THSD7B: variants seen among roughly 807,000 people sequenced by gnomAD.
THSD7B encodes thrombospondin type 1 domain containing 7B.
THSD7B carries 138 observed loss-of-function variants against 213.6 expected under a neutral mutation model. The ratio of observed to expected loss-of-function variants is 0.65; its 90% CI spans 0.56 to 0.74. The LOEUF is 0.74. Ranked by LOEUF, THSD7B falls within the 30% of genes least tolerant of loss-of-function variation. The pLI is 0.00. For missense variants in THSD7B, 1,931 were observed against 1,991.5 expected (o/e 0.97, Z 0.58); for synonymous variants, 742 against 687.0 (o/e 1.08, Z -1.25).
intron 7 of THSD7B, among the ~76,000 whole-genome samples, chr2:137,207,418 C>T (rs1157398732): frequency 6.6e-6 from 1 of 152,028 alleles, no homozygotes; most frequent in East Asian, 1.9e-4. Context: ...AAAGAATTAG[C>T]AGTTAATCAA....
chr2:137,490,360 C>A (rs147921528), intron 15 of THSD7B, among the ~76,000 whole-genome samples: 1 of 152,126 alleles, frequency 6.6e-6, no homozygotes. Flanking sequence ...CTAAAAAAAT[C>A]GATTCCTAAT....
chr2:137,198,539 A>G (rs968116887), intron 7 of THSD7B, among the ~76,000 whole-genome samples: 2 of 152,170 alleles, frequency 1.3e-5, no homozygotes, highest in Admixed American at 1.3e-4. Flanking sequence ...CTTCTGAGGA[A>G]AAGAGACTAA....
intron 3 of THSD7B, among the ~76,000 whole-genome samples, chr2:137,093,902 ATTATC>A (rs1488882228): frequency 3.3e-5 from 5 of 152,194 alleles, no homozygotes; most frequent in African/African-American, 7.2e-5. Flanking sequence ...CTAATGCCAC[ATTATC>A]TTATCTTTTT....
chr2:136,844,404 T>C (rs1682967179), intron 1 of THSD7B, among the ~76,000 whole-genome samples: 1 of 151,618 alleles, frequency 6.6e-6, no homozygotes. Flanking sequence ...CATCTGTATC[T>C]ACCTAGGGCA....
intron 3 of THSD7B, among the ~76,000 whole-genome samples, chr2:137,077,417 G>T (rs192067435): frequency 8.5e-5 from 13 of 152,270 alleles, no homozygotes; most frequent in Non-Finnish European, 1.8e-4. Context: ...TTCCACAATG[G>T]TTGAACTAGT....
rs1323602295 is a variant in THSD7B, at chr2:137,115,325, C to A, written c.1369+32C>A. 4.1e-6 allele frequency: 6 copies of A among 1,477,434 alleles called. No individual in the cohort carries two copies. The African/African-American group carries it at 8.6e-5, about 21-fold the overall frequency. The allele number at this position is 1,477,434 out of a possible 1,614,324, so 91.5% of individuals were successfully genotyped here. On this transcript the variant is annotated intron_variant, in intron 5 of 27. Transcript: ENST00000409968. The stretch of plus-strand genomic sequence containing the variant: ...AGCCAGTTCCGGGACAGATGGTGCA[C>A]TGCTGGTTGGAAGGAAAATCTCTCC...
chr2:137,309,535 T>TTA (rs1299150681), intron 12 of THSD7B, among the ~76,000 whole-genome samples: 1 of 151,920 alleles, frequency 6.6e-6, no homozygotes, highest in African/African-American at 2.4e-5. Flanking sequence ...CTTTAAGTTT[T>TTA]AGGGTACATG....
intron 1 of THSD7B, among the ~76,000 whole-genome samples, chr2:136,797,386 T>C (rs992011268): frequency 6.6e-6 from 1 of 151,910 alleles, no homozygotes; most frequent in African/African-American, 2.4e-5. Flanking sequence ...TTAAAAACCA[T>C]TGGAGAAGGC....
At chr2:137,573,397 C>T (rs562809124) in intron 17 of THSD7B, among the ~76,000 whole-genome samples, 2 of 152,090 alleles carry the variant, frequency 1.3e-5, no homozygotes, top group South Asian at 2.1e-4. Context: ...CAGTTAATAT[C>T]GTATGTTTAG....
At chr2:137,127,056 A>AAT (rs149074834) in intron 5 of THSD7B, among the ~76,000 whole-genome samples, 18 of 152,000 alleles carry the variant, frequency 1.2e-4, no homozygotes, top group East Asian at 3.9e-4. Context: ...TGATGACTAT[A>AAT]ATATATATAT....
At chr2:137,347,292 C>T (rs911133769) in intron 12 of THSD7B, among the ~76,000 whole-genome samples, 1 of 151,634 alleles carries the variant, frequency 6.6e-6, no homozygotes, top group African/African-American at 2.4e-5. Flanking sequence ...GTTATGCTAC[C>T]ATGTGGTTTA....
At chr2:137,545,575 T>G (rs920892103) in intron 15 of THSD7B, among the ~76,000 whole-genome samples, 1 of 152,050 alleles carries the variant, frequency 6.6e-6, no homozygotes, top group African/African-American at 2.4e-5. Context: ...AGTAAAGTAC[T>G]TGATGCTGCC....
chr2:136,910,093 C>T (rs974800695), intron 2 of THSD7B, among the ~76,000 whole-genome samples: 3 of 152,090 alleles, frequency 2.0e-5, no homozygotes, highest in Admixed American at 6.6e-5. Flanking sequence ...AATCTGGGAG[C>T]AGTTTCATGG....
intron 10 of THSD7B, among the ~76,000 whole-genome samples, chr2:137,260,767 A>G (rs374167808): frequency 2.6e-5 from 4 of 152,306 alleles, no homozygotes; most frequent in Admixed American, 6.5e-5. Flanking sequence ...GCTGTCTCAA[A>G]AAATAAATAA....
intron 1 of THSD7B, among the ~76,000 whole-genome samples, chr2:136,768,354 T>G (rs1368817306): frequency 6.6e-6 from 1 of 152,222 alleles, no homozygotes; most frequent in African/African-American, 2.4e-5. Context: ...CTCACTTTAA[T>G]TATACTTCAC....
chr2:137,303,212 A>T (rs1683647995), intron 12 of THSD7B, among the ~76,000 whole-genome samples: 1 of 152,150 alleles, frequency 6.6e-6, no homozygotes, highest in South Asian at 2.1e-4. Flanking sequence ...TTGTAGAGAC[A>T]TAATCTCACT....
chr2:136,903,968 GTGTGTTTGTT>G (rs755688406), intron 2 of THSD7B, among the ~76,000 whole-genome samples: 1,459 of 60,220 alleles, frequency 0.024, 28 homozygotes, highest in Middle Eastern at 0.1. Flanking sequence ...GTGTGTGTGT[GTGTGTTTGTT>G]TGTTTCTGAG....
intron 14 of THSD7B, among the ~76,000 whole-genome samples, chr2:137,438,922 T>G (rs1223249325): frequency 1.4e-4 from 21 of 152,006 alleles, no homozygotes; most frequent in Admixed American, 1.4e-3. Context: ...AACCAATTAT[T>G]AGCGTCCTTA....
chr2:137,670,703 C>T (rs757600816), intron 27 of THSD7B, among the ~76,000 whole-genome samples: 2 of 152,034 alleles, frequency 1.3e-5, no homozygotes, highest in Non-Finnish European at 2.9e-5. Context: ...GGGCGGATCA[C>T]GAGGTCAGGA....
Sources: gnomAD v4.1 joint callset for allele counts (sites outside exome capture counted in the v4.1 genomes callset) on GRCh38, gnomAD v4.1.1 for gene constraint, MANE v1.5 for transcripts, NCBI Gene and HGNC (gene_info 2026-07-23, HGNC 2026-07-21) for gene names.